The following IFNA2 variants were observed in gnomAD, a reference collection of about 807,000 sequenced individuals.
The protein encoded by IFNA2 is interferon alpha 2.
For synonymous variants in IFNA2, 91 were observed against 80.7 expected, an observed-to-expected ratio of 1.13 and a Z score of -0.68; for missense variants, 260 against 210.3, an observed-to-expected ratio of 1.24 and a Z score of -1.46.
At position 21,385,141 on chromosome 9, in the gene IFNA2, C is replaced by T. The variant is rs1176134962; in HGVS notation, c.189G>A (p.Gln63=). ...TTTGGAACTGGTTGCCAAACTCCTC[C>T]TGGGGAAATCCAAAGTCATGTCTGT... ...LKDRHDFGFP[Q]EEFGNQFQKA... The change falls in exon 1 of 1, where the codon CAG becomes CAA. Residue 63 remains glutamine (Q), a synonymous_variant. Coordinates refer to ENST00000380206, the MANE Select transcript of IFNA2 (RefSeq NM_000605.4). The T allele has an allele frequency of 6.2e-7, 1 of 1,613,862 alleles. No individual in the cohort carries two copies. The highest frequency in any genetic ancestry group is 1.3e-5 in the African/African-American group (1 of 74,850).
rs1820851923 is a variant in IFNA2, at chr9:21,384,330, T to C, written c.*433A>G. Reference sequence around the variant, plus strand: ...GATAAATGAAGTGTACCAGTTATTCTGTAATCAGGTTGCACAATTAGGCTT... The same window carrying C: ...GATAAATGAAGTGTACCAGTTATTCCGTAATCAGGTTGCACAATTAGGCTT... On this transcript the variant is annotated 3_prime_UTR_variant, in exon 1 of 1. Transcript: ENST00000380206. 1 of 152,524 alleles carries C rather than the reference T, an allele frequency of 6.6e-6. No homozygotes were observed. Among genetic ancestry groups the C allele is most frequent in the Admixed American group, 6.5e-5 (1 of 15,282 alleles). 9.4% of individuals were successfully genotyped at this position (152,524 alleles called of 1,614,324 possible). A position where few individuals can be genotyped will look rare whatever the true frequency, so the allele number is the denominator to read the frequency against.
chr9:21,384,959 T>C lies in IFNA2; in HGVS notation c.371A>G (p.Gln124Arg). 2 of 1,613,952 alleles carry C rather than the reference T, an allele frequency of 1.2e-6. No homozygotes were observed. The highest frequency in any genetic ancestry group is 2.7e-5 in the African/African-American group (2 of 74,998). Residue 124 changes from glutamine to arginine, a missense_variant, in exon 1 of 1, where the codon CAG becomes CGG. Coordinates refer to ENST00000380206, the MANE Select transcript of IFNA2 (RefSeq NM_000605.4). ...GGGAGTCTCTGTCACCCCCACCCCCTGTATCACACAGGCTTCCAGGTCATT... is the reference window on the plus strand; with the variant it reads ...GGGAGTCTCTGTCACCCCCACCCCCCGTATCACACAGGCTTCCAGGTCATT... ...QLNDLEACVI[Q>R]GVGVTETPLM...
Position 21,384,954 on chromosome 9 carries a change from C to A in IFNA2, c.376G>T (p.Val126Leu), listed in dbSNP as rs374270525. 13 of 1,613,930 alleles carry A rather than the reference C, an allele frequency of 8.1e-6. No individual in the cohort carries two copies. The highest frequency in any genetic ancestry group is 1.1e-5 in the Non-Finnish European group (13 of 1,179,908). ...ATCAGGGGAGTCTCTGTCACCCCCA[C>A]CCCCTGTATCACACAGGCTTCCAGG... ...NDLEACVIQGVGVTETPLMKE... is the reference protein window; with the variant it reads ...NDLEACVIQGLGVTETPLMKE... The change falls in exon 1 of 1, where the codon GTG becomes TTG. Residue 126 changes from valine to leucine, a missense_variant. Transcript: ENST00000380206.
chr9:21,384,943 T>G lies in IFNA2; in HGVS notation c.387A>C (p.Thr129=). ...EACVIQGVGV[T]ETPLMKEDSI... ...AGTCCTCCTTCATCAGGGGAGTCTC[T>G]GTCACCCCCACCCCCTGTATCACAC... Residue 129 remains threonine, a synonymous_variant, in exon 1 of 1, where the codon ACA becomes ACC. Transcript: ENST00000380206. 6.2e-7 allele frequency: 1 copy of G among 1,614,054 alleles called. No homozygotes were observed. The highest frequency in any genetic ancestry group is 8.5e-7 in the Non-Finnish European group (1 of 1,179,980).
Position 21,384,887 on chromosome 9 carries a change from C to G in IFNA2, c.443G>C (p.Arg148Thr). Residue 148 changes from arginine to threonine, a missense_variant, in exon 1 of 1, where the codon AGA (arginine) becomes ACA (threonine). By Grantham distance (71) the Arg-to-Thr change is moderately conservative (BLOSUM62 -1). Transcript: ENST00000380206. ...CTTCTCTTTCAGATAGAGAGTGATT[C>G]TTTGGAAGTATTTCCTCACAGCCAG... ...SILAVRKYFQ[R>T]ITLYLKEKKY... 1.9e-6 allele frequency: 3 copies of G among 1,614,070 alleles called. No homozygotes were observed. Among genetic ancestry groups the G allele is most frequent in the Non-Finnish European group, 2.5e-6 (3 of 1,179,986 alleles).
In IFNA2 at chr9:21,384,707, A is replaced by T; in HGVS notation, c.*56T>A. ...ATGAGTCTTTGAAATGGCAGATCATAAAAAGGTGAGCTGGCATACGAATCA... is the reference window on the plus strand; with the variant it reads ...ATGAGTCTTTGAAATGGCAGATCATTAAAAGGTGAGCTGGCATACGAATCA... On this transcript the variant is annotated 3_prime_UTR_variant, in exon 1 of 1. Transcript: ENST00000380206. 1 of 1,475,284 alleles carries T rather than the reference A, an allele frequency of 6.8e-7. No homozygotes were observed. Among genetic ancestry groups the T allele is most frequent in the South Asian group, 1.3e-5 (1 of 75,458 alleles). 91.4% of individuals were successfully genotyped at this position (1,475,284 alleles called of 1,614,324 possible).
At position 21,385,154 on chromosome 9, in the gene IFNA2, A is replaced by G. The variant is rs147918701; in HGVS notation, c.176T>C (p.Phe59Ser). ...GCCAAACTCCTCCTGGGGAAATCCA[A>G]AGTCATGTCTGTCCTTCAAGCAGGA... ...LFSCLKDRHD[F>S]GFPQEEFGNQ... The change falls in exon 1 of 1, where the codon TTT (phenylalanine) becomes TCT (serine). Residue 59 changes from phenylalanine to serine, a missense_variant. By Grantham distance (155) the Phe-to-Ser change is radical. Coordinates refer to ENST00000380206, the MANE Select transcript of IFNA2 (RefSeq NM_000605.4). The G allele has an allele frequency of 2.5e-6, 4 of 1,613,828 alleles. No homozygotes were observed. The African/African-American group carries it at 5.3e-5, about 22-fold the overall frequency.
At position 21,384,828 on chromosome 9, in the gene IFNA2, C is replaced by T. The variant is rs143535431; in HGVS notation, c.502G>A (p.Ala168Thr). ...YSPCAWEVVR[A>T]EIMRSFSLST... ...AAAGAAAAAGATCTCATGATTTCTG[C>T]TCTGACAACCTCCCAGGCACAAGGG... The change falls in exon 1 of 1, where the codon GCA becomes ACA. Residue 168 changes from alanine (A) to threonine (T), a missense_variant. Ala to Thr is a moderately conservative substitution (Grantham distance 58). Transcript: ENST00000380206. 3 of 1,613,756 alleles carry T rather than the reference C, an allele frequency of 1.9e-6. No homozygotes were observed. The highest frequency in any genetic ancestry group is 1.7e-5 in the Admixed American group (1 of 59,974).
At position 21,385,100 on chromosome 9, in the gene IFNA2, G is replaced by A; in HGVS notation, c.230C>T (p.Pro77Leu). 1 of 1,614,032 alleles carries A rather than the reference G, an allele frequency of 6.2e-7. No homozygotes were observed. The highest frequency in any genetic ancestry group is 8.5e-7 in the Non-Finnish European group (1 of 1,179,986). The change falls in exon 1 of 1, where the codon CCT becomes CTT. Residue 77 changes from proline to leucine, a missense_variant. Pro to Leu is a moderately conservative substitution (Grantham distance 98). Transcript: ENST00000380206. ...CTGCTGGATCATCTCATGGAGGACA[G>A]GGATGGTTTCAGCCTTTTGGAACTG... ...GNQFQKAETIPVLHEMIQQIF... is the reference protein window; with the variant it reads ...GNQFQKAETILVLHEMIQQIF...
Position 21,385,350 on chromosome 9 carries a change from C to T in IFNA2, c.-21G>A, listed in dbSNP as rs777328496. 5 of 1,579,664 alleles carry T rather than the reference C, an allele frequency of 3.2e-6. No individual in the cohort carries two copies. The South Asian group carries it at 4.7e-5, about 15-fold the overall frequency. ...GCCATTGTAGATGTTGCAGATGCTG[C>T]TAGACTGGTTGAAATGGGTGAGCCT... On this transcript the variant is annotated 5_prime_UTR_variant, in exon 1 of 1. Coordinates refer to ENST00000380206, the MANE Select transcript of IFNA2 (RefSeq NM_000605.4).
rs763035302 is a variant in IFNA2 at position 21,385,357 on chromosome 9, G to T, written c.-28C>A. 1.6e-5 allele frequency: 25 copies of T among 1,556,322 alleles called. No individual in the cohort carries two copies. The African/African-American group carries it at 2.5e-4, about 15-fold the overall frequency. On this transcript the variant is annotated 5_prime_UTR_variant, in exon 1 of 1. Coordinates refer to ENST00000380206, the MANE Select transcript of IFNA2 (RefSeq NM_000605.4). ...TAGATGTTGCAGATGCTGCTAGACT[G>T]GTTGAAATGGGTGAGCCTAAACCTT...
chr9:21,385,015 G>C lies in IFNA2; in HGVS notation c.315C>G (p.Asp105Glu), dbSNP rs139508016. ...GCTGGTAGAGTTCAGTGTAGAATTTGTCTAGGAGGGTCTCATCCCAAGCAG... is the reference window on the plus strand; with the variant it reads ...GCTGGTAGAGTTCAGTGTAGAATTTCTCTAGGAGGGTCTCATCCCAAGCAG... Reference protein sequence around the residue: ...SSAAWDETLLDKFYTELYQQL... With the variant: ...SSAAWDETLLEKFYTELYQQL... Residue 105 changes from aspartate (D) to glutamate (E), a missense_variant, in exon 1 of 1, where the codon GAC becomes GAG. Transcript: ENST00000380206. 3.1e-6 allele frequency: 5 copies of C among 1,613,780 alleles called. No individual in the cohort carries two copies. The African/African-American group carries it at 6.7e-5, about 22-fold the overall frequency.
chr9:21,385,205 G>T lies in IFNA2; in HGVS notation c.125C>A (p.Ala42Glu). 1 of 1,613,990 alleles carries T rather than the reference G, an allele frequency of 6.2e-7. No individual in the cohort carries two copies. The highest frequency in any genetic ancestry group is 8.5e-7 in the Non-Finnish European group (1 of 1,179,992). Residue 42 changes from alanine (A) to glutamate (E), a missense_variant, in exon 1 of 1, where the codon GCA (alanine) becomes GAA (glutamate). Transcript: ENST00000380206. ...GAAAAGAGAGATTCTCCTCATCTGTGCCAGGAGCATCAAGGTCCTCCTGCT... is the reference window on the plus strand; with the variant it reads ...GAAAAGAGAGATTCTCCTCATCTGTTCCAGGAGCATCAAGGTCCTCCTGCT... Reference protein sequence around the residue: ...LGSRRTLMLLAQMRRISLFSC... With the variant: ...LGSRRTLMLLEQMRRISLFSC...
In IFNA2 at chr9:21,385,180, G is replaced by A; in HGVS notation, c.150C>T (p.Phe50=). Residue 50 remains phenylalanine (F), a synonymous_variant, in exon 1 of 1, where the codon TTC becomes TTT. Coordinates refer to ENST00000380206, the MANE Select transcript of IFNA2 (RefSeq NM_000605.4). ...AGTCATGTCTGTCCTTCAAGCAGGA[G>A]AAAAGAGAGATTCTCCTCATCTGTG... is the stretch of plus-strand genomic sequence containing the variant. The part of the protein sequence containing the change: ...LLAQMRRISL[F]SCLKDRHDFG... The A allele has an allele frequency of 1.2e-6, 2 of 1,613,984 alleles. No individual in the cohort carries two copies. Among genetic ancestry groups the A allele is most frequent in the Non-Finnish European group, 1.7e-6 (2 of 1,180,010 alleles).
chr9:21,385,284 AGCT>A lies in IFNA2; in HGVS notation c.43_45del (p.Ser15del), dbSNP rs1563871396. On this transcript the variant is annotated inframe_deletion, in exon 1 of 1. Coordinates refer to ENST00000380206, the MANE Select transcript of IFNA2 (RefSeq NM_000605.4). ...CAGCCCACAGAGCAGCTTGACTTGC[AGCT>A]GAGCACCAGGAGGGCCACCAGTAAA... 6.2e-7 allele frequency: 1 copy of A among 1,613,714 alleles called. No homozygotes were observed. Among genetic ancestry groups the A allele is most frequent in the Admixed American group, 1.7e-5 (1 of 59,934 alleles).
At position 21,385,156 on chromosome 9, in the gene IFNA2, G is replaced by C. The variant is rs759247108; in HGVS notation, c.174C>G (p.Asp58Glu). 1 of 1,613,900 alleles carries C rather than the reference G, an allele frequency of 6.2e-7. No individual in the cohort carries two copies. Among genetic ancestry groups the C allele is most frequent in the African/African-American group, 1.3e-5 (1 of 74,866 alleles). ...SLFSCLKDRH[D>E]FGFPQEEFGN... ...CAAACTCCTCCTGGGGAAATCCAAA[G>C]TCATGTCTGTCCTTCAAGCAGGAGA... Residue 58 changes from aspartate to glutamate, a missense_variant, in exon 1 of 1, where the codon GAC (aspartate) becomes GAG (glutamate). Transcript: ENST00000380206.
rs1246361351 is a variant in IFNA2 at position 21,384,961 on chromosome 9, T to A, written c.369A>T (p.Ile123=). ...QQLNDLEACV[I]QGVGVTETPL... ...GAGTCTCTGTCACCCCCACCCCCTG[T>A]ATCACACAGGCTTCCAGGTCATTCA... The change falls in exon 1 of 1, where the codon ATA becomes ATT. Residue 123 remains isoleucine, a synonymous_variant. Transcript: ENST00000380206. 1.2e-6 allele frequency: 2 copies of A among 1,613,950 alleles called. No homozygotes were observed. Among genetic ancestry groups the A allele is most frequent in the Admixed American group, 3.3e-5 (2 of 59,982 alleles).
Position 21,385,099 on chromosome 9 carries a change from A to G in IFNA2, c.231T>C (p.Pro77=), listed in dbSNP as rs1563871252. The G allele has an allele frequency of 6.2e-7, 1 of 1,614,008 alleles. No individual in the cohort carries two copies. The highest frequency in any genetic ancestry group is 1.3e-5 in the African/African-American group (1 of 74,984). The part of the protein sequence containing the change: ...GNQFQKAETI[P]VLHEMIQQIF... ...TCTGCTGGATCATCTCATGGAGGACAGGGATGGTTTCAGCCTTTTGGAACT... is the reference window on the plus strand; with the variant it reads ...TCTGCTGGATCATCTCATGGAGGACGGGGATGGTTTCAGCCTTTTGGAACT... The change falls in exon 1 of 1, where the codon CCT becomes CCC. Residue 77 remains proline (P), a synonymous_variant. Coordinates refer to ENST00000380206, the MANE Select transcript of IFNA2 (RefSeq NM_000605.4).
the IFNA2 span, chr9:21,384,942 C>A: frequency 6.2e-7 from 1 of 1,614,016 alleles, no homozygotes. Context: ...AGGGGAGTCT[C>A]TGTCACCCCC....
Sources: gnomAD v4.1 joint callset for allele counts on GRCh38, gnomAD v4.1.1 for gene constraint, MANE v1.5 for transcripts, NCBI Gene and HGNC (gene_info 2026-07-23, HGNC 2026-07-21) for gene names.